MANBA: variants seen among roughly 807,000 people sequenced by gnomAD.
The protein encoded by MANBA is mannosidase beta, also known as beta-mannosidase.
In MANBA, 83 loss-of-function variants were observed where a neutral mutation model predicts 111.1. That is an observed-to-expected ratio of 0.75 (90% confidence interval 0.63 to 0.90). The LOEUF is 0.90. MANBA is among the 40% of genes least tolerant of loss of function. The probability of loss-of-function intolerance (pLI) is 0.00; values close to 1 mark genes in which losing one functional copy is unlikely to be tolerated. For synonymous variants in MANBA, 370 were observed against 378.7 expected (o/e 0.98, Z 0.27); for missense variants, 1,036 against 1,069.0 (o/e 0.97, Z 0.43).
chr4:102,695,781 T>A (rs1033512338), intron 5 of MANBA, among the ~76,000 whole-genome samples: 4 of 152,190 alleles, frequency 2.6e-5, no homozygotes, highest in Non-Finnish European at 4.4e-5. Context: ...GATTGACATT[T>A]GTATATGAAT....
chr4:102,669,120 G>GTGTA, intron 9 of MANBA, 71 bp from the exon 10 acceptor site: 1 of 1,164,182 alleles, frequency 8.6e-7, no homozygotes, highest in Non-Finnish European at 1.3e-6. Context: ...TCTTTATTCT[G>GTGTA]AGCTCTGGGC....
intron 1 of MANBA, chr4:102,751,974 A>T: frequency 1.4e-6 from 1 of 713,512 alleles, no homozygotes; most frequent in Non-Finnish European, 2.7e-6. Context: ...CTGGAAGTGC[A>T]GAGTCTATAG....
intron 1 of MANBA, among the ~76,000 whole-genome samples, chr4:102,758,551 C>CTTT (rs374542775): frequency 7.3e-6 from 1 of 137,136 alleles, no homozygotes; most frequent in African/African-American, 2.7e-5. Context: ...TACTTTTTTT[C>CTTT]TTTTTTTTTT....
At chr4:102,643,086 A>G (rs959751250) in intron 13 of MANBA, among the ~76,000 whole-genome samples, 2 of 152,138 alleles carry the variant, frequency 1.3e-5, no homozygotes, top group Non-Finnish European at 2.9e-5. Context: ...CCCAAAAAGA[A>G]ACACCATACT....
chr4:102,703,132 C>CTTGT (rs112572555), intron 5 of MANBA, among the ~76,000 whole-genome samples: 4,220 of 152,200 alleles, frequency 0.028, 136 homozygotes, highest in African/African-American at 0.078. Flanking sequence ...TGTTTGTTTA[C>CTTGT]TTGTTTGTTT....
At chr4:102,755,365 T>C (rs1021589748) in intron 1 of MANBA, among the ~76,000 whole-genome samples, 4 of 152,134 alleles carry the variant, frequency 2.6e-5, no homozygotes, top group Non-Finnish European at 4.4e-5. Context: ...AAACAAGAAA[T>C]AGGGAAAGGA....
Position 102,635,857 on chromosome 4 carries a change from T to C in MANBA, c.2157+8A>G, listed in dbSNP as rs368641950. ...CTTCGATCTTAGAAAACAATCCAAG[T>C]AACTTACACTGAGTGTCATCGAATA... is the stretch of plus-strand genomic sequence containing the variant. On this transcript the variant is annotated splice_region_variant and intron_variant, in intron 15 of 16. Coordinates refer to ENST00000647097, the MANE Select transcript of MANBA (RefSeq NM_005908.4). The C allele has an allele frequency of 1.9e-6, 3 of 1,609,846 alleles. No homozygotes were observed. The highest frequency in any genetic ancestry group is 2.6e-6 in the Non-Finnish European group (3 of 1,176,100).
At chr4:102,635,751 T>G in intron 15 of MANBA, 114 bp downstream of exon 15, 3 of 1,090,324 alleles carry the variant, frequency 2.8e-6, no homozygotes, top group Non-Finnish European at 4.1e-6. Context: ...TGAATATATG[T>G]ATTCTAACTC....
At position 102,645,364 on chromosome 4, in the gene MANBA, T is replaced by C. The variant is rs556389716; in HGVS notation, c.1869+5173A>G. ...TTGTCTGGTTTTGGTATCACAGTAA[T>C]GTTGGCTTCACAGAATGAGTTAAGT... On this transcript the variant is annotated intron_variant, in intron 13 of 16. Transcript: ENST00000647097. Among the ~76,000 whole-genome samples the C allele has an allele frequency of 6.4e-4, 97 of 152,206 alleles. 1 individual carries two copies. The highest frequency in any genetic ancestry group is 2.1e-3 in the African/African-American group (89 of 41,560).
intron 1 of MANBA, among the ~76,000 whole-genome samples, chr4:102,737,270 A>G (rs935104361): frequency 2.0e-4 from 30 of 152,182 alleles, no homozygotes; most frequent in Admixed American, 3.3e-4. Flanking sequence ...AGCACAGCCA[A>G]AGGTGTGAGC....
chr4:102,755,177 A>C (rs940058004), intron 1 of MANBA, among the ~76,000 whole-genome samples: 15 of 152,216 alleles, frequency 9.9e-5, no homozygotes, highest in Non-Finnish European at 1.3e-4. Context: ...CTCCTAAGCC[A>C]AAAGAACAAA....
chr4:102,678,432 T>C (rs1041573645), intron 7 of MANBA, among the ~76,000 whole-genome samples: 4 of 149,848 alleles, frequency 2.7e-5, no homozygotes, highest in African/African-American at 7.6e-5. Context: ...AAATAATGGG[T>C]TCTAAAAGAT....
chr4:102,672,078 A>T (rs1344236271), intron 8 of MANBA: 2 of 398,562 alleles, frequency 5.0e-6, no homozygotes, highest in African/African-American at 4.1e-5. Context: ...GGAGCATTTG[A>T]AAAGGAAAAA....
intron 11 of MANBA, among the ~76,000 whole-genome samples, chr4:102,658,267 TG>T (rs1430742650): frequency 2.0e-5 from 3 of 152,140 alleles, no homozygotes; most frequent in African/African-American, 7.2e-5. Flanking sequence ...TGGCTGGGGT[TG>T]GGGGTGTCTT....
In MANBA at chr4:102,690,794, AATATAT is replaced by A. The variant is rs143832054; in HGVS notation, c.674-29_674-24del. On this transcript the variant is annotated intron_variant, in intron 5 of 16. Transcript: ENST00000647097. ...TATCTAAAATATAAAAAGAAAAAGAAATATATATATATATATATAATATGCTAAGCA... is the reference window on the plus strand; with the variant it reads ...TATCTAAAATATAAAAAGAAAAAGAAATATATATATATAATATGCTAAGCA... 0.012 allele frequency: 9,234 copies of A among 789,600 alleles called. 672 individuals carry two copies. The African/African-American group carries it at 0.14, about 12-fold the overall frequency. 48.9% of individuals were successfully genotyped at this position (789,600 alleles called of 1,614,324 possible).
chr4:102,633,829 TTC>T (rs1449378606), intron 16 of MANBA, among the ~76,000 whole-genome samples: 1 of 152,142 alleles, frequency 6.6e-6, no homozygotes, highest in African/African-American at 2.4e-5. Flanking sequence ...TTTTCTTCTG[TTC>T]TCTATTAGTT....
At chr4:102,713,714 T>G (rs773040401) in intron 5 of MANBA, among the ~76,000 whole-genome samples, 3 of 151,922 alleles carry the variant, frequency 2.0e-5, no homozygotes, top group Non-Finnish European at 2.9e-5. Context: ...CTGGCCAATA[T>G]GGAGAAACCC....
At chr4:102,647,151 C>G (rs1730138876) in intron 13 of MANBA, among the ~76,000 whole-genome samples, 1 of 151,008 alleles carries the variant, frequency 6.6e-6, no homozygotes, top group African/African-American at 2.4e-5. Context: ...AACCCTAAAA[C>G]CCTAACATTT....
At position 102,690,738 on chromosome 4, in the gene MANBA, T is replaced by G. The variant is rs775606031; in HGVS notation, c.707A>C (p.Glu236Ala). Reference sequence around the variant, plus strand: ...TGAGCTGACAACATCAAATGTAGACTCTATTTCCAGATTCCACTCCTGGGC... The same window carrying G: ...TGAGCTGACAACATCAAATGTAGACGCTATTTCCAGATTCCACTCCTGGGC... Reference protein sequence around the residue: ...KSAQEWNLEIESTFDVVSSKP... With the variant: ...KSAQEWNLEIASTFDVVSSKP... Residue 236 changes from glutamate to alanine, a missense_variant, in exon 6 of 17, where the codon GAG (glutamate) becomes GCG (alanine). Glu to Ala is a moderately radical substitution (Grantham distance 107). Transcript: ENST00000647097. 1.3e-6 allele frequency: 2 copies of G among 1,586,690 alleles called. No individual in the cohort carries two copies. Among genetic ancestry groups the G allele is most frequent in the Non-Finnish European group, 1.7e-6 (2 of 1,163,708 alleles).
Sources: allele counts gnomAD v4.1 joint callset (sites outside exome capture counted in the v4.1 genomes callset), GRCh38; gene constraint gnomAD v4.1.1; transcripts MANE v1.5; gene names NCBI Gene and HGNC (gene_info 2026-07-23, HGNC 2026-07-21).